The following AGK variants were observed in gnomAD, a reference collection of about 807,000 sequenced individuals.
AGK encodes the protein acylglycerol kinase, also known as acylglycerol kinase, mitochondrial.
A neutral mutation model predicts 66.4 loss-of-function variants in AGK; 52 were observed. That is an observed-to-expected ratio of 0.78 (90% CI 0.63 to 0.99). AGK has a LOEUF of 0.99. AGK is among the 50% of genes least tolerant of loss of function. AGK has a pLI of 0.00. For synonymous variants in AGK, 182 were observed against 181.1 expected (o/e 1.00, Z -0.04); for missense variants, 451 against 506.6 (o/e 0.89, Z 1.05).
chr7:141,651,367 A>G (rs986243795), intron 14 of AGK, among the ~76,000 whole-genome samples, 158 bp from the exon 15 acceptor site: 1 of 152,250 alleles, frequency 6.6e-6, no homozygotes, highest in Non-Finnish European at 1.5e-5. Context: ...CTAAGCAAGA[A>G]TCACTGTTGG....
intron 6 of AGK, 119 bp downstream of exon 6, chr7:141,611,406 T>C: frequency 3.0e-6 from 2 of 665,286 alleles, no homozygotes; most frequent in Non-Finnish European, 4.8e-6. Flanking sequence ...TATTTTAGGA[T>C]TGTTGCTCTC....
At chr7:141,575,619 A>G (rs1331344816) in intron 2 of AGK, among the ~76,000 whole-genome samples, 1 of 150,362 alleles carries the variant, frequency 6.7e-6, no homozygotes, top group Non-Finnish European at 1.5e-5. Context: ...ATTTCCAGGA[A>G]ATGGAAATTG....
At chr7:141,580,314 A>G (rs1795854676) in intron 2 of AGK, among the ~76,000 whole-genome samples, 1 of 151,988 alleles carries the variant, frequency 6.6e-6, no homozygotes, top group South Asian at 2.1e-4. Flanking sequence ...ATACTATAGC[A>G]TAGCCTGCCT....
intron 7 of AGK, among the ~76,000 whole-genome samples, chr7:141,614,839 G>A (rs1370698101): frequency 6.6e-6 from 1 of 152,138 alleles, no homozygotes; most frequent in African/African-American, 2.4e-5. Flanking sequence ...TATAGGTTGT[G>A]GGCACATGGG....
intron 4 of AGK, chr7:141,596,881 CA>C: frequency 2.1e-6 from 1 of 484,174 alleles, no homozygotes; most frequent in Non-Finnish European, 3.7e-6. Context: ...TTAACACCTA[CA>C]AAGATGTCTT....
At chr7:141,554,118 T>C (rs899936193) in intron 1 of AGK, among the ~76,000 whole-genome samples, 1 of 152,034 alleles carries the variant, frequency 6.6e-6, no homozygotes, top group African/African-American at 2.4e-5. Flanking sequence ...GGCGGGAGGA[T>C]TGCTTGAGGC....
chr7:141,568,614 C>T (rs1287911075), intron 2 of AGK, among the ~76,000 whole-genome samples: 2 of 151,734 alleles, frequency 1.3e-5, no homozygotes, highest in Non-Finnish European at 2.9e-5. Context: ...CTCTGTCACC[C>T]AGGCTGGAGT....
chr7:141,602,630 G>A (rs377355730), intron 5 of AGK, among the ~76,000 whole-genome samples: 3 of 151,750 alleles, frequency 2.0e-5, no homozygotes, highest in Non-Finnish European at 2.9e-5. Context: ...GCCAAGAACC[G>A]TTTTTTGGCT....
chr7:141,592,290 T>G (rs944692207), intron 2 of AGK, among the ~76,000 whole-genome samples: 5 of 152,194 alleles, frequency 3.3e-5, no homozygotes, highest in African/African-American at 1.2e-4. Flanking sequence ...GGGAGAATCC[T>G]TTTGCTTTTC....
chr7:141,623,043 C>A (rs568168884), intron 9 of AGK, among the ~76,000 whole-genome samples: 3 of 152,236 alleles, frequency 2.0e-5, no homozygotes, highest in Middle Eastern at 3.4e-3. Flanking sequence ...AGGAACAGTT[C>A]TTGAAGGAAC....
chr7:141,592,649 C>A (rs187647715), intron 2 of AGK, among the ~76,000 whole-genome samples: 1 of 151,906 alleles, frequency 6.6e-6, no homozygotes, highest in African/African-American at 2.4e-5. Context: ...GACTTTTATT[C>A]GGAGGATGTA....
intron 10 of AGK, among the ~76,000 whole-genome samples, chr7:141,636,123 C>T (rs984364038): frequency 1.2e-4 from 18 of 152,164 alleles, no homozygotes; most frequent in African/African-American, 3.9e-4. Flanking sequence ...AATAGATTCT[C>T]GTTATTCCCA....
chr7:141,560,425 T>TC (rs1477676533), intron 2 of AGK, among the ~76,000 whole-genome samples: 1 of 151,974 alleles, frequency 6.6e-6, no homozygotes, highest in Non-Finnish European at 1.5e-5. Flanking sequence ...CTTTTTTTTT[T>TC]CCCCCATCAG....
chr7:141,637,295 C>T (rs1005457541), intron 11 of AGK, among the ~76,000 whole-genome samples: 7 of 152,004 alleles, frequency 4.6e-5, no homozygotes, highest in East Asian at 1.9e-4. Context: ...CTCTCTTGCC[C>T]GACAGACCTT....
Position 141,654,083 on chromosome 7 carries a change from C to A in AGK, c.*1159C>A, listed in dbSNP as rs779872112. The A allele has an allele frequency of 4.6e-5, 7 of 152,050 alleles. No homozygotes were observed. Among genetic ancestry groups the A allele is most frequent in the Non-Finnish European group, 8.8e-5 (6 of 68,010 alleles). The allele number at this position is 152,050 out of a possible 1,614,324, so 9.4% of individuals were successfully genotyped here. On this transcript the variant is annotated 3_prime_UTR_variant, in exon 16 of 16. Coordinates refer to ENST00000649286, the MANE Select transcript of AGK (RefSeq NM_018238.4). ...TAATGTAATCTATTATGCCCGACAT[C>A]TTTTAATCATTCACCCCATTACTTC...
At chr7:141,592,606 T>C (rs1316957550) in intron 2 of AGK, among the ~76,000 whole-genome samples, 1 of 152,240 alleles carries the variant, frequency 6.6e-6, no homozygotes, top group East Asian at 1.9e-4. Flanking sequence ...GTGGCATTAT[T>C]CTGGTTACCA....
intron 7 of AGK, 108 bp from the exon 8 acceptor site, chr7:141,615,363 G>A: frequency 1.3e-6 from 1 of 776,086 alleles, no homozygotes; most frequent in East Asian, 2.6e-5. Context: ...GAGATGGGGA[G>A]GCAGATACAG....
intron 2 of AGK, among the ~76,000 whole-genome samples, chr7:141,588,720 A>G (rs1051120921): frequency 2.6e-5 from 4 of 152,100 alleles, no homozygotes; most frequent in African/African-American, 7.2e-5. Flanking sequence ...TCTTGATTAT[A>G]TGCTAAACAG....
rs1795186150 is a variant in AGK at position 141,555,406 on chromosome 7, C to A, written c.-14-47C>A. On this transcript the variant is annotated intron_variant, in intron 1 of 15. Coordinates refer to ENST00000649286, the MANE Select transcript of AGK (RefSeq NM_018238.4). The surrounding 1 kb of genome is among the most constrained non-coding windows in gnomAD (Gnocchi z 4.2). ...GAGTAATAGGGACATTACATGAAGA[C>A]CATGGATAAATTATATTTTTTTCTC... 7 of 1,321,572 alleles carry A rather than the reference C, an allele frequency of 5.3e-6. No individual in the cohort carries two copies. Among genetic ancestry groups the A allele is most frequent in the Admixed American group, 1.8e-5 (1 of 54,856 alleles). 81.9% of individuals were successfully genotyped at this position (1,321,572 alleles called of 1,614,324 possible). A position where few individuals can be genotyped will look rare whatever the true frequency, so the allele number is the denominator to read the frequency against.
Sources: gnomAD v4.1 joint callset for allele counts (sites outside exome capture counted in the v4.1 genomes callset) on GRCh38, gnomAD v4.1.1 for gene constraint, Gnocchi (gnomAD v3.1) non-coding constraint, MANE v1.5 for transcripts, NCBI Gene and HGNC (gene_info 2026-07-23, HGNC 2026-07-21) for gene names.